PDZD2: variants seen among roughly 807,000 people sequenced by gnomAD.
The protein encoded by PDZD2 is PDZ domain-containing protein 2.
In PDZD2, 90 loss-of-function variants were observed where a neutral mutation model predicts 220.7. That is an observed-to-expected ratio of 0.41 (90% CI 0.34 to 0.49). The LOEUF is 0.49. PDZD2 is among the 20% of genes least tolerant of loss of function. The pLI, the probability that PDZD2 is intolerant of heterozygous loss-of-function variation, is 0.28. For synonymous variants in PDZD2, 1,375 were observed against 1,450.5 expected (o/e 0.95, Z 1.18); for missense variants, 3,174 against 3,608.5 (o/e 0.88, Z 3.08).
chr5:32,091,205 G>C (rs1743122122), intron 20 of PDZD2, 30 bp downstream of exon 20: 2 of 1,441,484 alleles, frequency 1.4e-6, no homozygotes, highest in Non-Finnish European at 1.9e-6. Context: ...TTTTATTTCA[G>C]ATAAACTTGT....
At chr5:31,783,625 G>A (rs1165894134) in intron 1 of PDZD2, among the ~76,000 whole-genome samples, 1 of 152,170 alleles carries the variant, frequency 6.6e-6, no homozygotes, top group Non-Finnish European at 1.5e-5. Flanking sequence ...GTGGAACCTG[G>A]TGGGTGGCAG....
intron 2 of PDZD2, among the ~76,000 whole-genome samples, chr5:31,946,090 C>T (rs1746606138): frequency 6.6e-6 from 1 of 152,232 alleles, no homozygotes. Flanking sequence ...GCAACCTCTG[C>T]CTCTCAGGTT....
chr5:31,648,052 C>T (rs988091049), intron 1 of PDZD2, among the ~76,000 whole-genome samples: 1 of 152,126 alleles, frequency 6.6e-6, no homozygotes, highest in African/African-American at 2.4e-5. Flanking sequence ...CAGTAGTTGG[C>T]CAACATTCTC....
At chr5:31,929,906 G>A (rs1745104903) in intron 2 of PDZD2, among the ~76,000 whole-genome samples, 1 of 152,158 alleles carries the variant, frequency 6.6e-6, no homozygotes, top group African/African-American at 2.4e-5. Flanking sequence ...GGATCATGGG[G>A]GAGGATCCCC....
chr5:32,037,065 C>T (rs60396802), intron 6 of PDZD2, among the ~76,000 whole-genome samples, 166 bp from the exon 7 acceptor site: 1,763 of 152,308 alleles, frequency 0.012, 29 homozygotes, highest in African/African-American at 0.039. Context: ...CAAGGCGTTG[C>T]GAATGCAGCT....
At chr5:31,729,140 G>A (rs1477136416) in intron 1 of PDZD2, among the ~76,000 whole-genome samples, 1 of 108,874 alleles carries the variant, frequency 9.2e-6, no homozygotes, top group Non-Finnish European at 1.8e-5. Context: ...TTTCAGTCTT[G>A]TTGCCCAGGC....
chr5:31,706,161 A>T (rs1454860987), intron 1 of PDZD2, among the ~76,000 whole-genome samples: 1 of 152,208 alleles, frequency 6.6e-6, no homozygotes, highest in Admixed American at 6.5e-5. Context: ...TGTAGTAGGT[A>T]TTCAATAAAT....
chr5:31,806,119 T>G (rs1754697666), intron 2 of PDZD2, among the ~76,000 whole-genome samples: 1 of 152,196 alleles, frequency 6.6e-6, no homozygotes, highest in African/African-American at 2.4e-5. Flanking sequence ...TGTCACCTTA[T>G]AGGAGTCCAT....
At chr5:31,992,188 A>G (rs912438514) in intron 3 of PDZD2, among the ~76,000 whole-genome samples, 3 of 152,138 alleles carry the variant, frequency 2.0e-5, no homozygotes, top group Non-Finnish European at 4.4e-5. Flanking sequence ...CTCCCCTCCT[A>G]TCTCCTACTT....
intron 6 of PDZD2, among the ~76,000 whole-genome samples, chr5:32,022,185 G>GTTTTTTTTTTTTTTTTTTTT (rs145876120): frequency 3.7e-5 from 5 of 135,588 alleles, no homozygotes; most frequent in Non-Finnish European, 4.7e-5. Context: ...TTGTTTTTTT[G>GTTTTTTTTTTTTTTTTTTTT]TTTTTTTGTT....
At chr5:31,855,055 C>G in intron 2 of PDZD2, 1 of 985,344 alleles carries the variant, frequency 1.0e-6, no homozygotes, top group Non-Finnish European at 1.2e-6. Context: ...ATGAGCTGCC[C>G]CGGGGGCGCG....
intron 14 of PDZD2, among the ~76,000 whole-genome samples, chr5:32,069,292 G>C (rs1740537153): frequency 6.6e-6 from 1 of 151,110 alleles, no homozygotes; most frequent in Non-Finnish European, 1.5e-5. Context: ...AAATTGAAGT[G>C]AGTTTTCCGG....
chr5:32,007,971 G>T (rs931634529), intron 5 of PDZD2, among the ~76,000 whole-genome samples: 3 of 152,032 alleles, frequency 2.0e-5, no homozygotes, highest in Non-Finnish European at 4.4e-5. Flanking sequence ...CTGTGTGTTG[G>T]CGATGCCCCT....
At chr5:31,992,576 C>T (rs1751304977) in intron 3 of PDZD2, among the ~76,000 whole-genome samples, 1 of 152,046 alleles carries the variant, frequency 6.6e-6, no homozygotes, top group Non-Finnish European at 1.5e-5. Flanking sequence ...CTTTGTTAAC[C>T]ATACTTACAT....
Position 32,090,419 on chromosome 5 carries a change from A to G in PDZD2, c.6971A>G (p.Asn2324Ser), listed in dbSNP as rs1478760060. 1 of 1,614,194 alleles carries G rather than the reference A, an allele frequency of 6.2e-7. No individual in the cohort carries two copies. Among genetic ancestry groups the G allele is most frequent in the African/African-American group, 1.3e-5 (1 of 75,078 alleles). The change falls in exon 20 of 25, where the codon AAC (asparagine) becomes AGC (serine). Residue 2324 changes from asparagine (N) to serine (S), a missense_variant. Asn to Ser is a conservative substitution (Grantham distance 46). This residue lies in a region of PDZD2 where 631 missense variants were observed against 789.9 expected (regional missense o/e 0.80). Transcript: ENST00000438447. The surrounding 1 kb of genome is among the most constrained non-coding windows in gnomAD (Gnocchi z 4.3). ...AGACGACACTACTGCTATGAGCAGAACTGGCCCCATGAATCTACCTCATTT... is the reference window on the plus strand; with the variant it reads ...AGACGACACTACTGCTATGAGCAGAGCTGGCCCCATGAATCTACCTCATTT... ...VTRRHYCYEQNWPHESTSFFS... is the reference protein window; with the variant it reads ...VTRRHYCYEQSWPHESTSFFS...
At chr5:31,978,945 ACTC>A (rs1015546026) in intron 2 of PDZD2, among the ~76,000 whole-genome samples, 29 of 151,808 alleles carry the variant, frequency 1.9e-4, no homozygotes, top group African/African-American at 6.5e-4. Context: ...CTCAAGATAA[ACTC>A]CTCTTGGCTT....
chr5:31,716,190 C>T (rs1033783971), intron 1 of PDZD2, among the ~76,000 whole-genome samples: 2 of 152,170 alleles, frequency 1.3e-5, no homozygotes, highest in African/African-American at 4.8e-5. Context: ...ATGTACTTTG[C>T]ACTGCTTGGA....
chr5:31,885,755 A>G (rs988759684), intron 2 of PDZD2, among the ~76,000 whole-genome samples: 6 of 152,184 alleles, frequency 3.9e-5, no homozygotes, highest in East Asian at 1.9e-4. Flanking sequence ...TTTTTTTTCT[A>G]TACGAATATA....
intron 2 of PDZD2, among the ~76,000 whole-genome samples, chr5:31,981,749 G>A (rs777147884): frequency 6.6e-6 from 1 of 152,140 alleles, no homozygotes; most frequent in Non-Finnish European, 1.5e-5. Context: ...AGTGGAGAAG[G>A]CGTTGTCCTG....
Sources: allele counts gnomAD v4.1 joint callset (sites outside exome capture counted in the v4.1 genomes callset), GRCh38; gene constraint gnomAD v4.1.1; regional missense constraint gnomAD v4.1.1; non-coding constraint Gnocchi (gnomAD v3.1); transcripts MANE v1.5; gene names NCBI Gene and HGNC (gene_info 2026-07-23, HGNC 2026-07-21).